The following MDM2 variants were observed in gnomAD, a reference collection of about 807,000 sequenced individuals.
MDM2 encodes the protein MDM2 proto-oncogene.
Under a neutral mutation model 64.3 loss-of-function variants are expected in MDM2, and 11 were observed. That is an observed-to-expected ratio of 0.17 (90% CI 0.11 to 0.28). The LOEUF (loss-of-function observed/expected upper bound fraction) is 0.28. Among genes scored for constraint, MDM2 ranks in the 10% least tolerant of loss-of-function variants. The pLI, the probability that MDM2 is intolerant of heterozygous loss-of-function variation, is 1.00. For missense variants in MDM2, 388 were observed against 577.1 expected (o/e 0.67, Z 3.36); for synonymous variants, 194 against 192.9 (o/e 1.01, Z -0.05).
rs1487164489 is a variant in MDM2, at chr12:68,815,470, C to T, written c.175-1342C>T. Among the ~76,000 whole-genome samples, 19 of 103,058 alleles carry T rather than the reference C, an allele frequency of 1.8e-4. 1 individual carries two copies. The highest frequency in any genetic ancestry group is 6.6e-4 in the African/African-American group (17 of 25,704). The allele number at this position is 103,058 out of a possible 152,430, so 67.6% of individuals were successfully genotyped here. Reference sequence around the variant, plus strand: ...TTTTTTTTTTTTTATGTGACAGTTTCTCACTCTCTTGCCCAGGCTGGAGTG... The same window carrying T: ...TTTTTTTTTTTTTATGTGACAGTTTTTCACTCTCTTGCCCAGGCTGGAGTG... On this transcript the variant is annotated intron_variant, in intron 3 of 10. Transcript: ENST00000258149.
intron 8 of MDM2, among the ~76,000 whole-genome samples, chr12:68,833,273 T>G (rs1341505008): frequency 1.8e-5 from 1 of 54,870 alleles, no homozygotes; most frequent in Non-Finnish European, 4.5e-5. Flanking sequence ...AATTATATAT[T>G]TATATAAATA....
Position 68,839,862 on chromosome 12 carries a change from T to A in MDM2, c.*13T>A. On this transcript the variant is annotated 3_prime_UTR_variant, in exon 11 of 11. Coordinates refer to ENST00000258149, the MANE Select transcript of MDM2 (RefSeq NM_002392.6). ...TTATTTCCCCTAGTTGACCTGTCTA[T>A]AAGAGAATTATATATTTCTAACTAT... is the stretch of plus-strand genomic sequence containing the variant. The A allele has an allele frequency of 6.2e-7, 1 of 1,608,092 alleles. No individual in the cohort carries two copies. Among genetic ancestry groups the A allele is most frequent in the East Asian group, 2.2e-5 (1 of 44,824 alleles).
Position 68,844,528 on chromosome 12 carries a change from C to T in MDM2, c.*4679C>T, listed in dbSNP as rs1022941690. On this transcript the variant is annotated 3_prime_UTR_variant, in exon 11 of 11. Transcript: ENST00000258149. Reference sequence around the variant, plus strand: ...AGGGAGGGGAGTTTGGGCTAGCCACCGTACCACTTGTCAGCGTGAAAAGTA... The same window carrying T: ...AGGGAGGGGAGTTTGGGCTAGCCACTGTACCACTTGTCAGCGTGAAAAGTA... The T allele has an allele frequency of 8.8e-6, 2 of 228,426 alleles. No homozygotes were observed. The highest frequency in any genetic ancestry group is 5.7e-5 in the Admixed American group (1 of 17,592). The allele number at this position is 228,426 out of a possible 1,614,324, so 14.1% of individuals were successfully genotyped here. A position where few individuals can be genotyped will look rare whatever the true frequency, so the allele number is the denominator to read the frequency against.
In MDM2 at chr12:68,835,683, C is replaced by T. The variant is rs3730639; in HGVS notation, c.685-146C>T. 7.6e-3 allele frequency: 5,293 copies of T among 695,262 alleles called. 24 individuals are homozygous for T. Among genetic ancestry groups the T allele is most frequent in the Non-Finnish European group, 9.2e-3 (4,204 of 455,512 alleles). The allele number at this position is 695,262 out of a possible 1,614,324, so 43.1% of individuals were successfully genotyped here. A position where few individuals can be genotyped will look rare whatever the true frequency, so the allele number is the denominator to read the frequency against. On this transcript the variant is annotated intron_variant, in intron 8 of 10. Transcript: ENST00000258149. The stretch of plus-strand genomic sequence containing the variant: ...TAGTCTTCTGCCCGCCGATCTCCCT[C>T]GGGAAGTCCCGGATCAGAGCAGCAG...
chr12:68,823,569 G>A (rs1026930039), intron 5 of MDM2, among the ~76,000 whole-genome samples: 1 of 152,092 alleles, frequency 6.6e-6, no homozygotes, highest in Non-Finnish European at 1.5e-5. Flanking sequence ...CCATGCCTTA[G>A]TTTAGGCTTT....
downstream of MDM2, chr12:68,847,477 G>T (rs1461805421): frequency 1.6e-4 from 6 of 37,716 alleles, no homozygotes; most frequent in African/African-American, 1.4e-3. Flanking sequence ...TTTTTGAGAC[G>T]GAGTCCCGCT....
Position 68,824,618 on chromosome 12 carries a change from A to G in MDM2, c.490A>G (p.Thr164Ala), listed in dbSNP as rs770763010. 6 of 1,612,488 alleles carry G rather than the reference A, an allele frequency of 3.7e-6. No homozygotes were observed. Among genetic ancestry groups the G allele is most frequent in the Admixed American group, 3.3e-5 (2 of 59,928 alleles). Residue 164 changes from threonine to alanine, a missense_variant, in exon 7 of 11, where the codon ACC (threonine) becomes GCC (alanine). Thr to Ala is a moderately conservative substitution (Grantham distance 58). Coordinates refer to ENST00000258149, the MANE Select transcript of MDM2 (RefSeq NM_002392.6). ...SSSHLVSRPS[T>A]SSRRRAISET... Reference sequence around the variant, plus strand: ...TTCACATTTGGTTTCTAGACCATCTACCTCATCTAGAAGGAGAGCAATTAG... The same window carrying G: ...TTCACATTTGGTTTCTAGACCATCTGCCTCATCTAGAAGGAGAGCAATTAG...
intron 5 of MDM2, 128 bp downstream of exon 5, chr12:68,820,502 G>A (rs1881754940): frequency 2.8e-6 from 2 of 714,840 alleles, no homozygotes; most frequent in African/African-American, 1.8e-5. Flanking sequence ...TGTAATAAAA[G>A]TATGATAAAT....
In MDM2 at chr12:68,808,486, G is replaced by A; in HGVS notation, c.9G>A (p.Arg3=). MV[R]SRQMCNTNMS... ...AAGCGCGAAAACCCCGGATGGTGAG[G>A]AGCAGGTACTGGCCCGGCAGCGAGC... Residue 3 remains arginine (R), a synonymous_variant, in exon 1 of 11, where the codon AGG becomes AGA. Coordinates refer to ENST00000258149, the MANE Select transcript of MDM2 (RefSeq NM_002392.6). The A allele has an allele frequency of 6.2e-7, 1 of 1,614,132 alleles. No individual in the cohort carries two copies. Among genetic ancestry groups the A allele is most frequent in the African/African-American group, 1.3e-5 (1 of 75,052 alleles).
chr12:68,811,619 T>TG (rs1331546236), intron 2 of MDM2, among the ~76,000 whole-genome samples: 4 of 150,328 alleles, frequency 2.7e-5, no homozygotes, highest in Non-Finnish European at 5.9e-5. Context: ...TTTTTTTTTT[T>TG]TTTGAGACTG....
intron 2 of MDM2, among the ~76,000 whole-genome samples, chr12:68,812,125 A>G (rs1420147624): frequency 6.6e-6 from 1 of 152,204 alleles, no homozygotes; most frequent in Non-Finnish European, 1.5e-5. Context: ...AGGAGAAAAA[A>G]GGTTATTTTT....
chr12:68,846,220 T>C (rs1884286677), downstream of MDM2: 1 of 152,248 alleles, frequency 6.6e-6, no homozygotes. Context: ...CCCAAAGTAC[T>C]GGGATTACAG....
At chr12:68,832,995 G>A (rs1196246682) in intron 8 of MDM2, among the ~76,000 whole-genome samples, 5 of 149,020 alleles carry the variant, frequency 3.4e-5, no homozygotes, top group African/African-American at 7.4e-5. Flanking sequence ...GCGTGGTGGC[G>A]GGCACCTATA....
intron 2 of MDM2, among the ~76,000 whole-genome samples, chr12:68,810,918 T>C (rs1880832654): frequency 6.6e-6 from 1 of 152,100 alleles, no homozygotes; most frequent in Non-Finnish European, 1.5e-5. Context: ...CAGGCTGGAG[T>C]GCAATGGCGA....
Position 68,840,269 on chromosome 12 carries a change from C to T in MDM2, c.*420C>T. On this transcript the variant is annotated 3_prime_UTR_variant, in exon 11 of 11. Coordinates refer to ENST00000258149, the MANE Select transcript of MDM2 (RefSeq NM_002392.6). ...GCACCATTCTCCTGCCTCAGCCTCC[C>T]AATTAGCTTGGCCTACAGTCATCTG... 5.5e-6 allele frequency: 1 copy of T among 182,616 alleles called. No homozygotes were observed. The highest frequency in any genetic ancestry group is 1.1e-5 in the Non-Finnish European group (1 of 87,030). The allele number at this position is 182,616 out of a possible 1,614,324, so 11.3% of individuals were successfully genotyped here.
chr12:68,824,089 TACC>T (rs943400235), intron 5 of MDM2: 63 of 403,380 alleles, frequency 1.6e-4, no homozygotes, highest in Admixed American at 4.2e-4. Context: ...TCCCTGTCCC[TACC>T]AAAATAATGA....
intron 7 of MDM2, among the ~76,000 whole-genome samples, chr12:68,827,541 C>T (rs1367092372): frequency 6.6e-6 from 1 of 152,114 alleles, no homozygotes; most frequent in Non-Finnish European, 1.5e-5. Flanking sequence ...TTTATTTTGT[C>T]ATGTAAACCT....
chr12:68,832,252 A>G (rs1882855638), intron 8 of MDM2, among the ~76,000 whole-genome samples: 1 of 152,108 alleles, frequency 6.6e-6, no homozygotes, highest in Admixed American at 6.6e-5. Context: ...TTCCTCTCCC[A>G]TCTTTTCTTT....
Position 68,808,743 on chromosome 12 carries a change from A to T in MDM2, c.14+252A>T, listed in dbSNP as rs1446700878. Among the ~76,000 whole-genome samples the T allele has an allele frequency of 2.1e-5, 3 of 143,018 alleles. No homozygotes were observed. The East Asian group carries it at 6.1e-4, about 29-fold the overall frequency. 93.8% of individuals were successfully genotyped at this position (143,018 alleles called of 152,430 possible). A position where few individuals can be genotyped will look rare whatever the true frequency, so the allele number is the denominator to read the frequency against. ...GGCGGTGGGGGTGGGGGTGGTTCGG[A>T]GGTCTCCGCGGGAGTTCAGGGTAAA... On this transcript the variant is annotated intron_variant, in intron 1 of 10. Coordinates refer to ENST00000258149, the MANE Select transcript of MDM2 (RefSeq NM_002392.6).
Sources: gnomAD v4.1 joint callset for allele counts (sites outside exome capture counted in the v4.1 genomes callset) on GRCh38, gnomAD v4.1.1 for gene constraint, MANE v1.5 for transcripts, NCBI Gene and HGNC (gene_info 2026-07-23, HGNC 2026-07-21) for gene names.